BRINP1: variants seen among roughly 807,000 people sequenced by gnomAD.
The protein encoded by BRINP1 is BMP/retinoic acid inducible neural specific 1, also known as BMP/retinoic acid-inducible neural-specific protein 1.
BRINP1 carries 17 observed loss-of-function variants against 72.9 expected under a neutral mutation model. That is an observed-to-expected ratio of 0.23 (90% CI 0.16 to 0.35). The LOEUF (loss-of-function observed/expected upper bound fraction) is 0.35, where lower values mean the gene tolerates loss of function less well. Among genes scored for constraint, BRINP1 ranks in the 10% least tolerant of loss-of-function variants. The pLI is 1.00. For missense variants in BRINP1, 850 were observed against 1,001.6 expected (o/e 0.85, Z 2.04); for synonymous variants, 418 against 378.5 (o/e 1.10, Z -1.21).
intron 2 of BRINP1, among the ~76,000 whole-genome samples, chr9:119,292,584 C>T (rs182737996): frequency 2.0e-5 from 3 of 152,118 alleles, no homozygotes; most frequent in Non-Finnish European, 2.9e-5. Context: ...CTTCATCTAT[C>T]GCTTAATTAG....
At chr9:119,177,716 A>AGAT (rs1829504070) in intron 7 of BRINP1, among the ~76,000 whole-genome samples, 1 of 152,210 alleles carries the variant, frequency 6.6e-6, no homozygotes, top group Admixed American at 6.5e-5. Context: ...GGAAATAAAA[A>AGAT]GATGAAAGTT....
intron 2 of BRINP1, among the ~76,000 whole-genome samples, chr9:119,309,826 G>A (rs1283096524): frequency 2.0e-5 from 3 of 152,260 alleles, no homozygotes; most frequent in South Asian, 2.1e-4. Flanking sequence ...TGTGGGGATA[G>A]GAGGATATAT....
chr9:119,247,159 G>C (rs527800765), intron 3 of BRINP1, among the ~76,000 whole-genome samples: 42 of 152,308 alleles, frequency 2.8e-4, no homozygotes, highest in Non-Finnish European at 4.6e-4. Flanking sequence ...GATGTCCAAA[G>C]AAAAGAGTTT....
At chr9:119,235,042 C>G (rs1004490525) in intron 5 of BRINP1, among the ~76,000 whole-genome samples, 2 of 152,140 alleles carry the variant, frequency 1.3e-5, no homozygotes, top group South Asian at 4.1e-4. Context: ...TCTGGGATTG[C>G]TCCATTTCTG....
intron 1 of BRINP1, among the ~76,000 whole-genome samples, chr9:119,336,724 G>A (rs1238657236): frequency 2.0e-5 from 3 of 152,138 alleles, no homozygotes; most frequent in African/African-American, 4.8e-5. Flanking sequence ...AGGCACACAC[G>A]TACCCTTGGA....
rs150520208 is a variant in BRINP1, at chr9:119,172,274, C to A, written c.1146-4050G>T. Among the ~76,000 whole-genome samples the A allele has an allele frequency of 2.3e-4, 35 of 151,858 alleles. No individual in the cohort carries two copies. The East Asian group carries it at 6.6e-3, about 29-fold the overall frequency. On this transcript the variant is annotated intron_variant, in intron 7 of 7. Coordinates refer to ENST00000265922, the MANE Select transcript of BRINP1 (RefSeq NM_014618.3). ...GAAGAAAAGAGAAGAATCAAATAGA[C>A]GCAATAAAAAATGATAAAGGGGATA... is the stretch of plus-strand genomic sequence containing the variant.
At chr9:119,258,844 A>C (rs1588180873) in intron 2 of BRINP1, among the ~76,000 whole-genome samples, 1 of 152,304 alleles carries the variant, frequency 6.6e-6, no homozygotes, top group African/African-American at 2.4e-5. Context: ...CATCCCCATC[A>C]CAAGTGGAGG....
chr9:119,301,871 G>GT (rs761181060), intron 2 of BRINP1, among the ~76,000 whole-genome samples: 5 of 152,134 alleles, frequency 3.3e-5, no homozygotes, highest in Non-Finnish European at 7.4e-5. Context: ...TTCCAAGACA[G>GT]TTTCCTCTCT....
chr9:119,270,032 A>T (rs1401508761), intron 2 of BRINP1, among the ~76,000 whole-genome samples: 1 of 152,138 alleles, frequency 6.6e-6, no homozygotes, highest in Non-Finnish European at 1.5e-5. Context: ...GTTAAGTGGG[A>T]TAGTCAGGGT....
chr9:119,366,362 G>T (rs1255616190), intron 1 of BRINP1, among the ~76,000 whole-genome samples: 1 of 152,008 alleles, frequency 6.6e-6, no homozygotes, highest in Non-Finnish European at 1.5e-5. Context: ...AAAAATCTTA[G>T]ATACAGACCA....
At chr9:119,258,297 T>C (rs1358043263) in intron 2 of BRINP1, among the ~76,000 whole-genome samples, 1 of 151,908 alleles carries the variant, frequency 6.6e-6, no homozygotes, top group Non-Finnish European at 1.5e-5. Flanking sequence ...GAGGGAAAAA[T>C]AGAAACACAA....
intron 2 of BRINP1, among the ~76,000 whole-genome samples, chr9:119,281,386 G>A (rs973824423): frequency 1.5e-5 from 2 of 137,632 alleles, no homozygotes; most frequent in African/African-American, 5.3e-5. Flanking sequence ...TAGCATTGAT[G>A]TAAGCATTCA....
rs576857100 is a variant in BRINP1 at position 119,255,815 on chromosome 9, C to T, written c.219-6665G>A. Among the ~76,000 whole-genome samples the T allele has an allele frequency of 7.4e-4, 112 of 151,928 alleles. 1 individual carries two copies. The highest frequency in any genetic ancestry group is 2.4e-3 in the African/African-American group (99 of 41,414). On this transcript the variant is annotated intron_variant, in intron 2 of 7. Transcript: ENST00000265922. ...CTACACATACAAAAAATTAGCCAGG[C>T]GTGGCAGCATGCGCCTGTAGTCCCA...
chr9:119,168,320 A>G, intron 7 of BRINP1, 96 bp from the exon 8 acceptor site: 1 of 989,032 alleles, frequency 1.0e-6, no homozygotes, highest in South Asian at 1.9e-5. Flanking sequence ...AGCTGCCAAA[A>G]AGATGAAAGG....
intron 1 of BRINP1, among the ~76,000 whole-genome samples, chr9:119,354,899 C>A (rs1831544264): frequency 6.6e-6 from 1 of 152,024 alleles, no homozygotes; most frequent in African/African-American, 2.4e-5. Flanking sequence ...AATCACTTGA[C>A]AAATTTCCAG....
At chr9:119,262,843 T>C (rs1830511558) in intron 2 of BRINP1, among the ~76,000 whole-genome samples, 1 of 152,194 alleles carries the variant, frequency 6.6e-6, no homozygotes, top group African/African-American at 2.4e-5. Context: ...TTCATGCTTT[T>C]ACTTAGACTT....
At chr9:119,245,181 G>C (rs868218479) in intron 3 of BRINP1, among the ~76,000 whole-genome samples, 1 of 141,502 alleles carries the variant, frequency 7.1e-6, no homozygotes, top group East Asian at 2.4e-4. Flanking sequence ...TCATATGCAT[G>C]TGCAAGCTCA....
At chr9:119,168,461 T>C (rs1296056300) in intron 7 of BRINP1, among the ~76,000 whole-genome samples, 1 of 151,746 alleles carries the variant, frequency 6.6e-6, no homozygotes, top group African/African-American at 2.4e-5. Context: ...AATGTCCTCA[T>C]CTGCAAAGTG....
At chr9:119,307,744 CA>C (rs1831013705) in intron 2 of BRINP1, among the ~76,000 whole-genome samples, 2 of 152,136 alleles carry the variant, frequency 1.3e-5, no homozygotes, top group South Asian at 4.2e-4. Flanking sequence ...ACCAGAATTT[CA>C]ATTCCTCTAA....
Sources: allele counts gnomAD v4.1 joint callset (sites outside exome capture counted in the v4.1 genomes callset), GRCh38; gene constraint gnomAD v4.1.1; transcripts MANE v1.5; gene names NCBI Gene and HGNC (gene_info 2026-07-23, HGNC 2026-07-21).